RIT2: variants seen among roughly 807,000 people sequenced by gnomAD.
RIT2 encodes the protein GTP-binding protein Rit2.
RIT2 carries 24 observed loss-of-function variants against 23.7 expected under a neutral mutation model. The observed-to-expected ratio is 1.01, with a 90% CI of 0.73 to 1.43. RIT2 has a LOEUF of 1.43. Among genes scored for constraint, RIT2 ranks in the 40% most tolerant of loss-of-function variants. The probability of loss-of-function intolerance (pLI) is 0.00; values close to 1 mark genes in which losing one functional copy is unlikely to be tolerated. For missense variants in RIT2, 236 were observed against 266.9 expected, an observed-to-expected ratio of 0.88 and a Z score of 0.81; for synonymous variants, 107 against 91.1, an observed-to-expected ratio of 1.17 and a Z score of -0.99.
intron 4 of RIT2, among the ~76,000 whole-genome samples, chr18:42,766,999 G>T (rs1913438799): frequency 6.6e-6 from 1 of 152,200 alleles, no homozygotes; most frequent in Admixed American, 6.5e-5. Context: ...GAAATGCCTG[G>T]ATGCCCAGGC....
At chr18:42,812,076 A>G (rs1052508581) in intron 4 of RIT2, among the ~76,000 whole-genome samples, 7 of 152,182 alleles carry the variant, frequency 4.6e-5, no homozygotes, top group African/African-American at 1.4e-4. Flanking sequence ...GCAACTTTTC[A>G]TAGTAGATTG....
At chr18:42,919,586 C>T (rs1454481520) in intron 4 of RIT2, among the ~76,000 whole-genome samples, 2 of 151,938 alleles carry the variant, frequency 1.3e-5, no homozygotes, top group Non-Finnish European at 2.9e-5. Context: ...TGATGGTGGG[C>T]ACCTGTAATC....
chr18:43,079,618 A>G (rs534886193), intron 1 of RIT2, among the ~76,000 whole-genome samples: 18 of 152,346 alleles, frequency 1.2e-4, no homozygotes, highest in African/African-American at 3.1e-4. Flanking sequence ...AACCTGACTT[A>G]TGACAGAGGA....
At chr18:42,931,855 A>C (rs954677050) in intron 3 of RIT2, among the ~76,000 whole-genome samples, 6 of 152,146 alleles carry the variant, frequency 3.9e-5, no homozygotes, top group Non-Finnish European at 8.8e-5. Flanking sequence ...CCACATGACA[A>C]AGTTGCAGTT....
At chr18:42,800,020 A>G (rs905780111) in intron 4 of RIT2, among the ~76,000 whole-genome samples, 2 of 152,354 alleles carry the variant, frequency 1.3e-5, no homozygotes, top group East Asian at 3.9e-4. Flanking sequence ...ATAAAGTTAC[A>G]GAATGTTCCT....
chr18:42,765,232 C>T (rs1282378128), intron 4 of RIT2, among the ~76,000 whole-genome samples: 1 of 152,102 alleles, frequency 6.6e-6, no homozygotes, highest in African/African-American at 2.4e-5. Context: ...ATGCCAATGC[C>T]TAAGCTTTAA....
intron 1 of RIT2, among the ~76,000 whole-genome samples, chr18:43,041,395 C>T (rs1221710576): frequency 6.6e-6 from 1 of 152,050 alleles, no homozygotes; most frequent in African/African-American, 2.4e-5. Flanking sequence ...AGAATACTAC[C>T]CTACCAGAGA....
At chr18:42,820,567 C>T (rs560366451) in intron 4 of RIT2, among the ~76,000 whole-genome samples, 39 of 152,188 alleles carry the variant, frequency 2.6e-4, no homozygotes, top group African/African-American at 8.9e-4. Flanking sequence ...ACTTTATATT[C>T]CCCTGGCTTT....
chr18:42,853,503 C>T (rs895388442), intron 4 of RIT2, among the ~76,000 whole-genome samples: 32 of 152,162 alleles, frequency 2.1e-4, no homozygotes, highest in Non-Finnish European at 3.5e-4. Flanking sequence ...AGCCTTTGCA[C>T]GTTAAAAGCA....
chr18:43,109,188 G>T (rs1439245324), intron 1 of RIT2, among the ~76,000 whole-genome samples: 2 of 152,186 alleles, frequency 1.3e-5, no homozygotes, highest in Non-Finnish European at 2.9e-5. Context: ...AACTGAATTT[G>T]CAGAGGCAAC....
chr18:42,987,972 A>T (rs1209142333), intron 2 of RIT2, among the ~76,000 whole-genome samples: 1 of 152,086 alleles, frequency 6.6e-6, no homozygotes, highest in Non-Finnish European at 1.5e-5. Context: ...TGACCCAGAC[A>T]CCTTCCATTA....
intron 4 of RIT2, among the ~76,000 whole-genome samples, chr18:42,802,241 G>A (rs1383058427): frequency 6.6e-6 from 1 of 152,218 alleles, no homozygotes; most frequent in East Asian, 1.9e-4. Flanking sequence ...ATGCCAAGAT[G>A]CTTGAGATTT....
chr18:43,114,494 T>G (rs1914022897), intron 1 of RIT2, among the ~76,000 whole-genome samples: 1 of 152,098 alleles, frequency 6.6e-6, no homozygotes, highest in South Asian at 2.1e-4. Flanking sequence ...TGATGCTTTT[T>G]GTCCATGCTA....
intron 2 of RIT2, among the ~76,000 whole-genome samples, chr18:42,998,622 A>G (rs570833612): frequency 6.6e-6 from 1 of 152,244 alleles, no homozygotes; most frequent in East Asian, 1.9e-4. Context: ...CTAAAGGAAT[A>G]AAGCTATACA....
chr18:42,976,795 C>T (rs923953325), intron 2 of RIT2, among the ~76,000 whole-genome samples: 5 of 151,924 alleles, frequency 3.3e-5, no homozygotes, highest in African/African-American at 7.2e-5. Flanking sequence ...AATTGCAAGA[C>T]GGAAGACTAG....
intron 4 of RIT2, among the ~76,000 whole-genome samples, chr18:42,902,106 A>T (rs1277968771): frequency 6.6e-6 from 1 of 151,936 alleles, no homozygotes; most frequent in African/African-American, 2.4e-5. Context: ...ACAATCATGT[A>T]ATGAGTACAT....
chr18:42,931,195 T>C (rs760183122), intron 3 of RIT2, among the ~76,000 whole-genome samples: 2 of 152,166 alleles, frequency 1.3e-5, no homozygotes. Context: ...TTACTTACTT[T>C]AAGCTAAATG....
intron 1 of RIT2, among the ~76,000 whole-genome samples, chr18:43,062,115 C>T (rs1912660584): frequency 6.6e-6 from 1 of 151,796 alleles, no homozygotes; most frequent in Admixed American, 6.6e-5. Flanking sequence ...TTCCCTGGCT[C>T]ACTGAATTAA....
chr18:43,061,399 C>T (rs966482242), intron 1 of RIT2, among the ~76,000 whole-genome samples: 1 of 152,024 alleles, frequency 6.6e-6, no homozygotes, highest in African/African-American at 2.4e-5. Context: ...ACATAATAAG[C>T]AACGGATATC....
Sources: allele counts gnomAD v4.1 joint callset (sites outside exome capture counted in the v4.1 genomes callset), GRCh38; gene constraint gnomAD v4.1.1; transcripts MANE v1.5; gene names NCBI Gene and HGNC (gene_info 2026-07-23, HGNC 2026-07-21).